SNX29: variants seen among roughly 807,000 people sequenced by gnomAD.
SNX29 encodes sorting nexin-29.
Under a neutral mutation model 102.1 loss-of-function variants are expected in SNX29, and 78 were observed. That is an observed-to-expected ratio of 0.76 (90% CI 0.64 to 0.92). SNX29 has a LOEUF of 0.92. Among genes scored for constraint, SNX29 ranks in the 40% least tolerant of loss-of-function variants. The pLI, the probability that SNX29 is intolerant of heterozygous loss-of-function variation, is 0.00. For missense variants in SNX29, 1,280 were observed against 1,061.7 expected, an observed-to-expected ratio of 1.21 and a Z score of -2.86; for synonymous variants, 580 against 414.5, an observed-to-expected ratio of 1.40 and a Z score of -4.85.
At chr16:12,265,499 A>G (rs939002188) in intron 14 of SNX29, among the ~76,000 whole-genome samples, 5 of 152,096 alleles carry the variant, frequency 3.3e-5, no homozygotes, top group African/African-American at 1.2e-4. Flanking sequence ...GAGACATGAA[A>G]CTTAATGGAC....
At chr16:12,509,314 G>C (rs1253041862) in intron 19 of SNX29, among the ~76,000 whole-genome samples, 1 of 152,182 alleles carries the variant, frequency 6.6e-6, no homozygotes, top group Non-Finnish European at 1.5e-5. Flanking sequence ...TGTCAGCCCA[G>C]CGAGCCCCTC....
chr16:12,530,721 A>T (rs1353427195), intron 20 of SNX29, among the ~76,000 whole-genome samples: 1 of 151,940 alleles, frequency 6.6e-6, no homozygotes, highest in Non-Finnish European at 1.5e-5. Context: ...ATGCCCAGCT[A>T]ATTTTTGTAT....
chr16:12,169,667 C>G (rs572435336), intron 13 of SNX29, among the ~76,000 whole-genome samples: 23 of 152,286 alleles, frequency 1.5e-4, no homozygotes, highest in African/African-American at 2.2e-4. Context: ...CGAGACCAGC[C>G]TGGCCAACAT....
intron 20 of SNX29, among the ~76,000 whole-genome samples, chr16:12,564,287 C>A (rs745964319): frequency 1.3e-5 from 2 of 152,188 alleles, no homozygotes; most frequent in African/African-American, 4.8e-5. Context: ...AGTAAAAGTT[C>A]CTATGAAGTT....
chr16:12,420,422 C>A (rs1033778167), intron 18 of SNX29, among the ~76,000 whole-genome samples: 1 of 152,150 alleles, frequency 6.6e-6, no homozygotes, highest in Admixed American at 6.5e-5. Context: ...ATCTTCTCTT[C>A]CAGAGGCCTG....
At chr16:12,196,985 C>A (rs1051877719) in intron 13 of SNX29, among the ~76,000 whole-genome samples, 10 of 152,090 alleles carry the variant, frequency 6.6e-5, no homozygotes, top group Non-Finnish European at 1.2e-4. Flanking sequence ...AGAAGAAAAG[C>A]AGGTATCTGA....
intron 19 of SNX29, among the ~76,000 whole-genome samples, chr16:12,500,727 G>A (rs1338357011): frequency 6.6e-6 from 1 of 152,238 alleles, no homozygotes; most frequent in Non-Finnish European, 1.5e-5. Context: ...GCAGATTTCA[G>A]GCCCCATCCC....
At chr16:12,282,928 A>G (rs1403355619) in intron 15 of SNX29, among the ~76,000 whole-genome samples, 2 of 152,194 alleles carry the variant, frequency 1.3e-5, no homozygotes, top group Non-Finnish European at 2.9e-5. Flanking sequence ...AAGTGCTGGG[A>G]TTACAGGCGT....
chr16:12,533,507 G>T (rs947353529), intron 20 of SNX29, among the ~76,000 whole-genome samples: 1 of 152,170 alleles, frequency 6.6e-6, no homozygotes, highest in Non-Finnish European at 1.5e-5. Context: ...TGTCACATCA[G>T]AGAGCAGCCC....
At chr16:12,531,355 G>A (rs1016214555) in intron 20 of SNX29, among the ~76,000 whole-genome samples, 1 of 152,230 alleles carries the variant, frequency 6.6e-6, no homozygotes. Flanking sequence ...CGAAGAGCAC[G>A]CCAGGACTGG....
rs542850352 is a variant in SNX29 at position 12,571,381 on chromosome 16, CCT to C, written c.*2753_*2754del. ...CTTATCCATGAGTGGCGAAGACACC[CCT>C]GAGGAAAGGATTGCTTGCACCTCAC... is the stretch of plus-strand genomic sequence containing the variant. On this transcript the variant is annotated 3_prime_UTR_variant, in exon 21 of 21. Transcript: ENST00000566228. 262 of 231,754 alleles carry C rather than the reference CCT, an allele frequency of 1.1e-3. 1 individual carries two copies. Among genetic ancestry groups the C allele is most frequent in the African/African-American group, 3.0e-3 (137 of 45,322 alleles). 14.4% of individuals were successfully genotyped at this position (231,754 alleles called of 1,614,324 possible).
chr16:12,510,281 G>A (rs1489193060), intron 19 of SNX29, among the ~76,000 whole-genome samples: 1 of 152,226 alleles, frequency 6.6e-6, no homozygotes, highest in African/African-American at 2.4e-5. Context: ...AGGGGTGTGT[G>A]CCTTGTGCTG....
In SNX29 at chr16:12,290,961, T is replaced by C. The variant is rs151251126; in HGVS notation, c.1782+12925T>C. Among the ~76,000 whole-genome samples the C allele has an allele frequency of 4.0e-4, 61 of 152,278 alleles. 1 individual carries two copies. The East Asian group carries it at 9.6e-3, about 24-fold the overall frequency. On this transcript the variant is annotated intron_variant, in intron 15 of 20. Coordinates refer to ENST00000566228, the MANE Select transcript of SNX29 (RefSeq NM_032167.5). ...GTTGCTGGATCCACTATAGACTTTT[T>C]AAGAGCAAGAATTGAATGGTATCTA...
At position 12,572,362 on chromosome 16, in the gene SNX29, C is replaced by A; in HGVS notation, c.*3733C>A. 2 of 1,063,142 alleles carry A rather than the reference C, an allele frequency of 1.9e-6. No individual in the cohort carries two copies. The highest frequency in any genetic ancestry group is 2.3e-6 in the Non-Finnish European group (2 of 877,884). The allele number at this position is 1,063,142 out of a possible 1,614,324, so 65.9% of individuals were successfully genotyped here. ...CTGCCTGGTTGATGGACAGCAGGCT[C>A]TGCCTTCTGGAGGCGGCTTATATCC... On this transcript the variant is annotated 3_prime_UTR_variant, in exon 21 of 21. Coordinates refer to ENST00000566228, the MANE Select transcript of SNX29 (RefSeq NM_032167.5).
intron 15 of SNX29, among the ~76,000 whole-genome samples, chr16:12,313,773 G>C (rs139722728): frequency 6.6e-6 from 1 of 152,244 alleles, no homozygotes; most frequent in African/African-American, 2.4e-5. Flanking sequence ...AGTTGAGTCA[G>C]TGATTCTGTA....
At chr16:12,153,743 G>T (rs955087102) in intron 13 of SNX29, among the ~76,000 whole-genome samples, 3 of 151,782 alleles carry the variant, frequency 2.0e-5, no homozygotes, top group African/African-American at 4.9e-5. Flanking sequence ...CTCCCAAAGT[G>T]CTGGGATTAT....
At chr16:12,559,159 C>G (rs533737329) in intron 20 of SNX29, among the ~76,000 whole-genome samples, 18 of 152,248 alleles carry the variant, frequency 1.2e-4, no homozygotes, top group Non-Finnish European at 2.6e-4. Context: ...TGGCCCAGTA[C>G]CAGTCCATAG....
At chr16:12,289,259 G>A (rs982992810) in intron 15 of SNX29, among the ~76,000 whole-genome samples, 1 of 152,214 alleles carries the variant, frequency 6.6e-6, no homozygotes, top group Non-Finnish European at 1.5e-5. Flanking sequence ...TGCAGCAGGA[G>A]GAGAAGGGTC....
At chr16:12,424,130 G>A (rs2084968336) in intron 18 of SNX29, among the ~76,000 whole-genome samples, 1 of 152,206 alleles carries the variant, frequency 6.6e-6, no homozygotes, top group Admixed American at 6.5e-5. Flanking sequence ...GGATGACTTT[G>A]TACTTTTCAG....
Sources: gnomAD v4.1 joint callset for allele counts (sites outside exome capture counted in the v4.1 genomes callset) on GRCh38, gnomAD v4.1.1 for gene constraint, MANE v1.5 for transcripts, NCBI Gene and HGNC (gene_info 2026-07-23, HGNC 2026-07-21) for gene names.